Variants in ADAM23 observed in about 807,000 individuals in gnomAD.
ADAM23 encodes ADAM metallopeptidase domain 23, also known as disintegrin and metalloproteinase domain-containing protein 23.
A neutral mutation model predicts 120.1 loss-of-function variants in ADAM23; 33 were observed. That is an observed-to-expected ratio of 0.27 (90% confidence interval 0.21 to 0.37). The LOEUF is 0.37. Ranked by LOEUF, ADAM23 falls within the 10% of genes least tolerant of loss-of-function variation. The probability of loss-of-function intolerance (pLI) is 1.00; values close to 1 mark genes in which losing one functional copy is unlikely to be tolerated. For synonymous variants in ADAM23, 367 were observed against 375.2 expected (o/e 0.98, Z 0.25); for missense variants, 862 against 1,058.2 (o/e 0.81, Z 2.57).
chr2:206,578,735 G>C lies in ADAM23; in HGVS notation c.1737+5540G>C, dbSNP rs1004640235. On this transcript the variant is annotated intron_variant, in intron 18 of 25. Transcript: ENST00000264377. ...GCAAGTATCTTTTTTGAATAATGAC[G>C]TCTTTTCCTCGGGGTAGATACCCAG... Among the ~76,000 whole-genome samples the C allele has an allele frequency of 8.6e-5, 13 of 152,030 alleles. 1 individual carries two copies. The highest frequency in any genetic ancestry group is 2.9e-4 in the African/African-American group (12 of 41,466).
chr2:206,566,657 C>G (rs1310461612), intron 14 of ADAM23, among the ~76,000 whole-genome samples: 2 of 152,138 alleles, frequency 1.3e-5, no homozygotes, highest in African/African-American at 4.8e-5. Context: ...ATTCTATTGT[C>G]ACTGTGCATA....
chr2:206,481,370 T>C (rs1695893229), intron 3 of ADAM23, 62 bp downstream of exon 3: 2 of 1,248,270 alleles, frequency 1.6e-6, no homozygotes, highest in African/African-American at 1.5e-5. Flanking sequence ...TTTTATAATA[T>C]CGGTTTAGTC....
intron 3 of ADAM23, among the ~76,000 whole-genome samples, chr2:206,493,396 G>A (rs894597986): frequency 1.3e-5 from 2 of 152,006 alleles, no homozygotes; most frequent in Admixed American, 6.6e-5. Context: ...TTTTGAGACG[G>A]AGTTTCGCTC....
intron 9 of ADAM23, among the ~76,000 whole-genome samples, chr2:206,554,619 T>C (rs1347555644): frequency 1.3e-5 from 2 of 152,274 alleles, no homozygotes; most frequent in East Asian, 3.9e-4. Context: ...GTTAGGAATA[T>C]ATATAAACTA....
At chr2:206,480,945 C>T (rs986851152) in intron 2 of ADAM23, among the ~76,000 whole-genome samples, 3 of 152,142 alleles carry the variant, frequency 2.0e-5, no homozygotes, top group Admixed American at 6.5e-5. Flanking sequence ...TAATTCGTCA[C>T]GGTCACTTTG....
intron 3 of ADAM23, among the ~76,000 whole-genome samples, chr2:206,530,079 G>T (rs1362792261): frequency 6.6e-6 from 1 of 152,162 alleles, no homozygotes; most frequent in South Asian, 2.1e-4. Context: ...AGAGTGCTGG[G>T]ATTACAGGCA....
chr2:206,479,028 G>A (rs892361639), intron 2 of ADAM23, among the ~76,000 whole-genome samples: 8 of 152,162 alleles, frequency 5.3e-5, no homozygotes, highest in African/African-American at 1.9e-4. Flanking sequence ...CGGAAGCTGT[G>A]TCCCAGCTAT....
At chr2:206,577,185 C>T (rs1439267912) in intron 18 of ADAM23, among the ~76,000 whole-genome samples, 2 of 152,050 alleles carry the variant, frequency 1.3e-5, no homozygotes, top group Non-Finnish European at 2.9e-5. Context: ...TTTTATTAGC[C>T]TAAACTAAAA....
intron 8 of ADAM23, among the ~76,000 whole-genome samples, 174 bp from the exon 9 acceptor site, chr2:206,549,921 A>G (rs1441139387): frequency 6.6e-6 from 1 of 152,118 alleles, no homozygotes; most frequent in Non-Finnish European, 1.5e-5. Flanking sequence ...ATATGTACCC[A>G]TATTTTATGA....
chr2:206,474,032 A>G (rs529547644), intron 2 of ADAM23, among the ~76,000 whole-genome samples: 1 of 151,598 alleles, frequency 6.6e-6, no homozygotes, highest in Non-Finnish European at 1.5e-5. Flanking sequence ...AAACAAAAAA[A>G]AAAAACCAGA....
intron 3 of ADAM23, among the ~76,000 whole-genome samples, chr2:206,489,857 G>A (rs1696094326): frequency 6.6e-6 from 1 of 152,114 alleles, no homozygotes; most frequent in African/African-American, 2.4e-5. Context: ...GAAAAAGAGT[G>A]GAATTATTTT....
At chr2:206,448,114 T>C (rs1433158954) in intron 2 of ADAM23, among the ~76,000 whole-genome samples, 1 of 152,196 alleles carries the variant, frequency 6.6e-6, no homozygotes, top group Non-Finnish European at 1.5e-5. Flanking sequence ...TTTATCTGCA[T>C]AGAGTGATGT....
intron 10 of ADAM23, among the ~76,000 whole-genome samples, chr2:206,559,236 G>A (rs1444482797): frequency 1.3e-5 from 2 of 152,178 alleles, no homozygotes; most frequent in South Asian, 2.1e-4. Context: ...GAGCTACCGC[G>A]CCTGGCCCAT....
intron 3 of ADAM23, among the ~76,000 whole-genome samples, chr2:206,488,944 C>G (rs1696070009): frequency 6.6e-6 from 1 of 150,706 alleles, no homozygotes; most frequent in Non-Finnish European, 1.5e-5. Flanking sequence ...TACCAAGCTG[C>G]AAACAGAAGG....
intron 21 of ADAM23, among the ~76,000 whole-genome samples, chr2:206,591,120 C>G (rs1186644187): frequency 6.6e-6 from 1 of 151,988 alleles, no homozygotes; most frequent in African/African-American, 2.4e-5. Context: ...TCGCTTGAGT[C>G]CAGGAGTTCA....
chr2:206,514,491 G>C (rs1696690606), intron 3 of ADAM23, among the ~76,000 whole-genome samples: 1 of 152,184 alleles, frequency 6.6e-6, no homozygotes, highest in Non-Finnish European at 1.5e-5. Flanking sequence ...GATAAGACTT[G>C]AATGGATGAA....
intron 2 of ADAM23, among the ~76,000 whole-genome samples, chr2:206,469,507 C>G (rs1322296264): frequency 6.6e-6 from 1 of 152,180 alleles, no homozygotes; most frequent in African/African-American, 2.4e-5. Flanking sequence ...TTGCAAAAGT[C>G]TCTTAAGGCT....
intron 17 of ADAM23, 138 bp downstream of exon 17, chr2:206,571,954 T>C: frequency 1.6e-6 from 1 of 643,918 alleles, no homozygotes; most frequent in Non-Finnish European, 2.6e-6. Context: ...TTTTCTAGGA[T>C]CGATAAATCT....
chr2:206,576,182 C>T (rs1033341939), intron 18 of ADAM23, among the ~76,000 whole-genome samples: 24 of 151,944 alleles, frequency 1.6e-4, no homozygotes, highest in Admixed American at 1.4e-3. Flanking sequence ...TGTTTAATGA[C>T]GTGTATTGAC....
Sources: gnomAD v4.1 joint callset for allele counts (sites outside exome capture counted in the v4.1 genomes callset) on GRCh38, gnomAD v4.1.1 for gene constraint, MANE v1.5 for transcripts, NCBI Gene and HGNC (gene_info 2026-07-23, HGNC 2026-07-21) for gene names.